The following PGM5 variants were observed in gnomAD, a reference collection of about 807,000 sequenced individuals.
PGM5 encodes phosphoglucomutase-like protein 5.
PGM5 carries 23 observed loss-of-function variants against 59.2 expected under a neutral mutation model. The ratio of observed to expected loss-of-function variants is 0.39; its 90% CI spans 0.28 to 0.55. The LOEUF is 0.55. Among genes scored for constraint, PGM5 ranks in the 20% least tolerant of loss-of-function variants. The pLI is 0.66. For missense variants in PGM5, 574 were observed against 748.3 expected, an observed-to-expected ratio of 0.77 and a Z score of 2.72; for synonymous variants, 214 against 286.0, an observed-to-expected ratio of 0.75 and a Z score of 2.54.
chr9:68,507,005 A>G (rs1009471530), intron 10 of PGM5, among the ~76,000 whole-genome samples: 1 of 152,246 alleles, frequency 6.6e-6, no homozygotes, highest in Non-Finnish European at 1.5e-5. Context: ...AACAAATTCA[A>G]TTTTAAAAAT....
intron 6 of PGM5, among the ~76,000 whole-genome samples, chr9:68,413,935 T>C (rs1822978917): frequency 6.6e-6 from 1 of 152,210 alleles, no homozygotes; most frequent in Non-Finnish European, 1.5e-5. Flanking sequence ...TGTTGAAATA[T>C]GATTCCCAGT....
intron 10 of PGM5, among the ~76,000 whole-genome samples, chr9:68,520,407 G>C (rs966678778): frequency 6.6e-6 from 1 of 151,844 alleles, no homozygotes; most frequent in Admixed American, 6.6e-5. Context: ...GAGTATTTTA[G>C]CACCCCTCTC....
At chr9:68,419,028 G>A (rs544516175) in intron 6 of PGM5, among the ~76,000 whole-genome samples, 4 of 152,232 alleles carry the variant, frequency 2.6e-5, no homozygotes, top group South Asian at 4.2e-4. Context: ...TACAAGGTGC[G>A]CCCCTGCCCC....
chr9:68,422,104 A>G (rs945262147), intron 6 of PGM5, among the ~76,000 whole-genome samples: 6 of 152,056 alleles, frequency 3.9e-5, no homozygotes, highest in Non-Finnish European at 7.4e-5. Context: ...TGTAAAAAAA[A>G]AAATTTAGAA....
chr9:68,438,432 A>T (rs1823474406), intron 6 of PGM5, among the ~76,000 whole-genome samples: 1 of 151,676 alleles, frequency 6.6e-6, no homozygotes, highest in Non-Finnish European at 1.5e-5. Context: ...TCTACCTTTT[A>T]TCTCCCACTT....
chr9:68,408,063 T>C (rs1822854895), intron 6 of PGM5, among the ~76,000 whole-genome samples: 1 of 152,252 alleles, frequency 6.6e-6, no homozygotes, highest in African/African-American at 2.4e-5. Context: ...ATTTCACTGG[T>C]ACTCTAGGGA....
At chr9:68,512,321 A>G (rs1439519618) in intron 10 of PGM5, among the ~76,000 whole-genome samples, 2 of 152,210 alleles carry the variant, frequency 1.3e-5, no homozygotes, top group Non-Finnish European at 2.9e-5. Context: ...GCAGGAGTCA[A>G]GTTTTTTCTG....
At chr9:68,357,531 C>G (rs1834482578) in intron 1 of PGM5, 143 bp downstream of exon 1, 4 of 1,461,650 alleles carry the variant, frequency 2.7e-6, no homozygotes, top group South Asian at 1.4e-5. Context: ...TCCTCACCCT[C>G]CAGCGCCCCA....
intron 1 of PGM5, among the ~76,000 whole-genome samples, chr9:68,359,184 GCTT>G (rs1834529149): frequency 6.6e-6 from 1 of 152,284 alleles, no homozygotes; most frequent in Non-Finnish European, 1.5e-5. Flanking sequence ...GGACTCCTCA[GCTT>G]CTTACTTCAA....
chr9:68,373,562 C>A (rs180963135), intron 1 of PGM5, among the ~76,000 whole-genome samples: 2 of 151,982 alleles, frequency 1.3e-5, no homozygotes, highest in Non-Finnish European at 2.9e-5. Context: ...TTTCTAAGTC[C>A]TTGCCCCAAA....
At chr9:68,482,030 C>T (rs925694259) in intron 8 of PGM5, among the ~76,000 whole-genome samples, 3 of 152,126 alleles carry the variant, frequency 2.0e-5, no homozygotes, top group Non-Finnish European at 4.4e-5. Context: ...GAGTAGACCC[C>T]AGAAGGAATC....
In PGM5 at chr9:68,391,660, C is replaced by G; in HGVS notation, c.824C>G (p.Thr275Arg). The G allele has an allele frequency of 6.2e-7, 1 of 1,605,020 alleles. No individual in the cohort carries two copies. Among genetic ancestry groups the G allele is most frequent in the Non-Finnish European group, 8.5e-7 (1 of 1,176,170 alleles). The change falls in exon 5 of 11, where the codon ACG (threonine) becomes AGG (arginine). Residue 275 changes from threonine to arginine, a missense_variant. Thr to Arg is a moderately conservative substitution (Grantham distance 71, BLOSUM62 -1). Coordinates refer to ENST00000396396, the MANE Select transcript of PGM5 (RefSeq NM_021965.4). ...QHPDPNLTYATTLLEAMKGGE... is the reference protein window; with the variant it reads ...QHPDPNLTYARTLLEAMKGGE... ...CCTGACCCAAACCTGACATATGCAA[C>G]GACTCTTCTGGAAGCAATGAAAGGA...
intron 10 of PGM5, among the ~76,000 whole-genome samples, chr9:68,518,213 G>C (rs1824850767): frequency 6.6e-6 from 1 of 152,220 alleles, no homozygotes; most frequent in African/African-American, 2.4e-5. Context: ...CCATTCCAAA[G>C]GTGGTATACA....
chr9:68,383,869 T>C (rs1554678598), intron 2 of PGM5, among the ~76,000 whole-genome samples: 1 of 151,878 alleles, frequency 6.6e-6, no homozygotes, highest in Non-Finnish European at 1.5e-5. Context: ...ATATTTTTAG[T>C]TGAGCTTCAT....
intron 6 of PGM5, among the ~76,000 whole-genome samples, chr9:68,446,974 C>T (rs1020168156): frequency 3.9e-5 from 6 of 152,132 alleles, no homozygotes; most frequent in African/African-American, 7.2e-5. Flanking sequence ...GTGGCCCAGC[C>T]GTTCCTTAGC....
chr9:68,525,117 G>C (rs1824951952), intron 10 of PGM5, among the ~76,000 whole-genome samples: 1 of 151,854 alleles, frequency 6.6e-6, no homozygotes, highest in African/African-American at 2.4e-5. Context: ...TGACATGAGA[G>C]AAGAGTTTGG....
intron 6 of PGM5, chr9:68,406,338 A>G (rs1270305151): frequency 6.6e-6 from 1 of 151,376 alleles, no homozygotes; most frequent in Admixed American, 6.6e-5. Context: ...GTCCAGGGGC[A>G]TAACAGGTGA....
At chr9:68,388,568 T>G (rs1554679116) in intron 4 of PGM5, among the ~76,000 whole-genome samples, 1 of 152,096 alleles carries the variant, frequency 6.6e-6, no homozygotes, top group Non-Finnish European at 1.5e-5. Flanking sequence ...TCGTACATTT[T>G]GGAGGAACAC....
At position 68,357,272 on chromosome 9, in the gene PGM5, C is replaced by T. The variant is rs1834471815; in HGVS notation, c.145C>T (p.Leu49=). 1.3e-6 allele frequency: 2 copies of T among 1,544,484 alleles called. No individual in the cohort carries two copies. The highest frequency in any genetic ancestry group is 2.7e-5 in the African/African-American group (2 of 73,072). Residue 49 remains leucine (L), a synonymous_variant, in exon 1 of 11, where the codon CTG becomes TTG. Transcript: ENST00000396396. ...CCTGCCCAACTTTATCCAGAGCGTG[C>T]TGTCGTCCATCGACCTGCGCGACCG... The part of the protein sequence containing the change: ...NYLPNFIQSV[L]SSIDLRDRQG...
Sources: gnomAD v4.1 joint callset for allele counts (sites outside exome capture counted in the v4.1 genomes callset) on GRCh38, gnomAD v4.1.1 for gene constraint, MANE v1.5 for transcripts, NCBI Gene and HGNC (gene_info 2026-07-23, HGNC 2026-07-21) for gene names.